ASPH: variants seen among roughly 807,000 people sequenced by gnomAD.
The protein encoded by ASPH is aspartyl/asparaginyl beta-hydroxylase.
A neutral mutation model predicts 118.4 loss-of-function variants in ASPH; 100 were observed. The ratio of observed to expected loss-of-function variants is 0.84; its 90% CI spans 0.72 to 1.00. The LOEUF (loss-of-function observed/expected upper bound fraction) is 1.00, where lower values mean the gene tolerates loss of function less well. Among genes scored for constraint, ASPH ranks in the 50% least tolerant of loss-of-function variants. The pLI is 0.00. For missense variants in ASPH, 920 were observed against 919.5 expected (o/e 1.00, Z -0.01); for synonymous variants, 315 against 325.6 (o/e 0.97, Z 0.35).
At chr8:61,539,702 GTGT>G (rs1563745705) in intron 21 of ASPH, among the ~76,000 whole-genome samples, 5,774 of 88,820 alleles carry the variant, frequency 0.065, 323 homozygotes, top group African/African-American at 0.28. Flanking sequence ...CTTCTGGGGT[GTGT>G]GTGTGTGTGT....
chr8:61,682,672 T>C (rs940971314), intron 2 of ASPH, among the ~76,000 whole-genome samples: 7 of 152,148 alleles, frequency 4.6e-5, no homozygotes, highest in Non-Finnish European at 1.0e-4. Flanking sequence ...CCAGAGACAC[T>C]TTCTTTAAAG....
intron 13 of ASPH, among the ~76,000 whole-genome samples, chr8:61,623,015 G>A (rs909040755): frequency 6.6e-6 from 1 of 152,150 alleles, no homozygotes; most frequent in African/African-American, 2.4e-5. Flanking sequence ...GACTGGAAAT[G>A]GAAAAGAGAA....
rs115109151 is a variant in ASPH, at chr8:61,593,471, A to G, written c.977-9442T>C. ...CAGGAGGTCAATATTCAAAGCTTAA[A>G]CCAAACAGTTAACAAATATTTTTCA... On this transcript the variant is annotated intron_variant, in intron 14 of 24. Transcript: ENST00000379454. Among the ~76,000 whole-genome samples, 607 of 152,308 alleles carry G rather than the reference A, an allele frequency of 4.0e-3. 2 individuals are homozygous for G. Among genetic ancestry groups the G allele is most frequent in the African/African-American group, 0.014 (589 of 41,572 alleles).
intron 15 of ASPH, chr8:61,578,626 T>A: frequency 6.4e-7 from 1 of 1,564,218 alleles, no homozygotes; most frequent in Non-Finnish European, 8.7e-7. Flanking sequence ...CGGAGCAACA[T>A]GGACAACATG....
rs947299417 is a variant in ASPH at position 61,680,877 on chromosome 8, T to C, written c.322+91A>G. The C allele has an allele frequency of 1.8e-5, 20 of 1,091,132 alleles. No homozygotes were observed. In the Admixed American group the frequency reaches 4.4e-4, roughly 24 times the overall value. 67.6% of individuals were successfully genotyped at this position (1,091,132 alleles called of 1,614,324 possible). On this transcript the variant is annotated intron_variant, in intron 3 of 24. Coordinates refer to ENST00000379454, the MANE Select transcript of ASPH (RefSeq NM_004318.4). ...TAAGGGAGAAAAGTCTCCTGTAAGA[T>C]ATATACTATTGAGATAGATATTATT...
At chr8:61,680,760 T>C (rs1827645274) in intron 3 of ASPH, 1 of 404,162 alleles carries the variant, frequency 2.5e-6, no homozygotes, top group Admixed American at 4.4e-5. Context: ...GTGTAAGAGA[T>C]ATACACTTAT....
At chr8:61,644,413 C>T (rs1407811328) in intron 7 of ASPH, among the ~76,000 whole-genome samples, 187 bp downstream of exon 7, 1 of 152,116 alleles carries the variant, frequency 6.6e-6, no homozygotes, top group Non-Finnish European at 1.5e-5. Context: ...AGGAACTAGG[C>T]ATCAAAACAC....
At chr8:61,663,701 T>C in intron 3 of ASPH, 1 of 978,590 alleles carries the variant, frequency 1.0e-6, no homozygotes, top group Non-Finnish European at 1.2e-6. Flanking sequence ...CAGGTTACAA[T>C]ATCTTCAGGC....
chr8:61,645,831 C>A (rs577976999), intron 6 of ASPH, among the ~76,000 whole-genome samples: 2 of 152,232 alleles, frequency 1.3e-5, no homozygotes, highest in South Asian at 4.1e-4. Flanking sequence ...AAGTAATTTT[C>A]CAAAATATTT....
At chr8:61,652,683 C>A (rs1811642427) in intron 4 of ASPH, among the ~76,000 whole-genome samples, 1 of 152,068 alleles carries the variant, frequency 6.6e-6, no homozygotes. Flanking sequence ...ATTTGAGGTG[C>A]TAAATCCAAA....
chr8:61,640,918 C>T (rs910903789), intron 10 of ASPH, among the ~76,000 whole-genome samples: 7 of 152,198 alleles, frequency 4.6e-5, no homozygotes, highest in Non-Finnish European at 7.3e-5. Context: ...AAGTTTCATA[C>T]AGAATATATT....
chr8:61,674,499 C>A (rs1213954043), intron 3 of ASPH, among the ~76,000 whole-genome samples: 1 of 152,184 alleles, frequency 6.6e-6, no homozygotes, highest in African/African-American at 2.4e-5. Flanking sequence ...TTAATAGTCA[C>A]TTTAATAGTC....
chr8:61,550,795 C>A (rs992992197), intron 20 of ASPH, among the ~76,000 whole-genome samples: 1 of 152,214 alleles, frequency 6.6e-6, no homozygotes, highest in African/African-American at 2.4e-5. Flanking sequence ...GTTCTCACAG[C>A]TATCATTGAG....
At chr8:61,581,390 G>C (rs532252004) in intron 15 of ASPH, among the ~76,000 whole-genome samples, 6 of 152,342 alleles carry the variant, frequency 3.9e-5, no homozygotes, top group Non-Finnish European at 4.4e-5. Flanking sequence ...CTAGGACCAA[G>C]ACAGTTCATG....
At chr8:61,697,943 G>A (rs943617990) in intron 1 of ASPH, among the ~76,000 whole-genome samples, 1 of 151,522 alleles carries the variant, frequency 6.6e-6, no homozygotes, top group Non-Finnish European at 1.5e-5. Context: ...GGCATGCACC[G>A]CCATATGCAG....
intron 21 of ASPH, among the ~76,000 whole-genome samples, chr8:61,531,148 T>C (rs1436596781): frequency 6.6e-6 from 1 of 152,268 alleles, no homozygotes; most frequent in African/African-American, 2.4e-5. Context: ...ATACTATTTC[T>C]TCACTAACTC....
intron 20 of ASPH, among the ~76,000 whole-genome samples, chr8:61,552,330 G>T (rs1586945894): frequency 6.6e-6 from 1 of 152,186 alleles, no homozygotes; most frequent in African/African-American, 2.4e-5. Context: ...GCGATGTCAT[G>T]ATTAATGAGA....
In ASPH at chr8:61,578,329, G is replaced by C. The variant is rs1040842527; in HGVS notation, c.1063-1471C>G. On this transcript the variant is annotated intron_variant, in intron 15 of 24. Coordinates refer to ENST00000379454, the MANE Select transcript of ASPH (RefSeq NM_004318.4). ...CCCGGTGCCCACATCAGCTCCTCGA[G>C]CTTCTCCTGAGTGGGCAGCAGCAGC... is the stretch of plus-strand genomic sequence containing the variant. The C allele has an allele frequency of 1.2e-5, 20 of 1,605,640 alleles. No individual in the cohort carries two copies. In the Admixed American group the frequency reaches 3.2e-4, roughly 26 times the overall value.
intron 1 of ASPH, among the ~76,000 whole-genome samples, chr8:61,688,614 C>T (rs1286226457): frequency 2.6e-5 from 4 of 152,164 alleles, no homozygotes; most frequent in Non-Finnish European, 5.9e-5. Flanking sequence ...CATATTTACA[C>T]ATAAACTCTA....
Sources: gnomAD v4.1 joint callset for allele counts (sites outside exome capture counted in the v4.1 genomes callset) on GRCh38, gnomAD v4.1.1 for gene constraint, MANE v1.5 for transcripts, NCBI Gene and HGNC (gene_info 2026-07-23, HGNC 2026-07-21) for gene names.